PFKFB4: variants seen among roughly 807,000 people sequenced by gnomAD.
PFKFB4 encodes 6-phosphofructo-2-kinase/fructose-2,6-biphosphatase 4.
A neutral mutation model predicts 62.8 loss-of-function variants in PFKFB4; 42 were observed. That is an observed-to-expected ratio of 0.67 (90% CI 0.52 to 0.86). The LOEUF (loss-of-function observed/expected upper bound fraction) is 0.86, where lower values mean the gene tolerates loss of function less well. Among genes scored for constraint, PFKFB4 ranks in the 40% least tolerant of loss-of-function variants. The probability of loss-of-function intolerance (pLI) is 0.00; values close to 1 mark genes in which losing one functional copy is unlikely to be tolerated. For synonymous variants in PFKFB4, 204 were observed against 240.7 expected (o/e 0.85, Z 1.41); for missense variants, 475 against 627.2 (o/e 0.76, Z 2.59).
intron 4 of PFKFB4, among the ~76,000 whole-genome samples, chr3:48,542,538 A>G (rs976490249): frequency 6.6e-6 from 1 of 151,842 alleles, no homozygotes; most frequent in Admixed American, 6.6e-5. Context: ...GGAGAACAAG[A>G]GTGTTATGAT....
chr3:48,558,166 A>T (rs1002678322), upstream of PFKFB4, among the ~76,000 whole-genome samples: 2 of 152,040 alleles, frequency 1.3e-5, no homozygotes, highest in African/African-American at 4.8e-5. Context: ...GGGGACAAGG[A>T]ACAAGGGAGA....
intron 9 of PFKFB4, among the ~76,000 whole-genome samples, chr3:48,529,160 C>A (rs568414819): frequency 2.0e-5 from 3 of 152,148 alleles, no homozygotes; most frequent in Non-Finnish European, 4.4e-5. Flanking sequence ...GCCTCAGCCC[C>A]CCGAGTAGCT....
intron 12 of PFKFB4, among the ~76,000 whole-genome samples, chr3:48,522,281 C>A (rs1248137052): frequency 1.3e-5 from 2 of 152,206 alleles, no homozygotes; most frequent in East Asian, 1.9e-4. Flanking sequence ...CACACAGAGG[C>A]CCCAGGCTCC....
upstream of PFKFB4, chr3:48,562,854 G>A (rs759289349): frequency 4.9e-5 from 78 of 1,589,632 alleles, 1 homozygote; most frequent in South Asian, 2.9e-4. The surrounding 1 kb of genome is among the most constrained non-coding windows in gnomAD (Gnocchi z 4.3). Flanking sequence ...GCCCTGGCCC[G>A]GGCTTGCTCC....
upstream of PFKFB4, chr3:48,562,905 G>A (rs368389228): frequency 3.8e-4 from 604 of 1,605,536 alleles, 1 homozygote; most frequent in Non-Finnish European, 4.9e-4. The surrounding 1 kb of genome is among the most constrained non-coding windows in gnomAD (Gnocchi z 4.3). Context: ...TCCAGCGATA[G>A]GACAATGCGC....
In PFKFB4 at chr3:48,519,151, G is replaced by A. The variant is rs2042008625; in HGVS notation, c.*596C>T. The A allele has an allele frequency of 6.6e-6, 1 of 152,436 alleles. No individual in the cohort carries two copies. The highest frequency in any genetic ancestry group is 1.5e-5 in the Non-Finnish European group (1 of 68,208). The allele number at this position is 152,436 out of a possible 1,614,324, so 9.4% of individuals were successfully genotyped here. A position where few individuals can be genotyped will look rare whatever the true frequency, so the allele number is the denominator to read the frequency against. On this transcript the variant is annotated 3_prime_UTR_variant, in exon 14 of 14. Coordinates refer to ENST00000232375, the MANE Select transcript of PFKFB4 (RefSeq NM_004567.4). ...GAATGCCCACAACTAAGGGTGACATGGATACAACGGCCTGGCCAGTGGCTG... is the reference window on the plus strand; with the variant it reads ...GAATGCCCACAACTAAGGGTGACATAGATACAACGGCCTGGCCAGTGGCTG...
chr3:48,561,093 C>T (rs1226144313), upstream of PFKFB4: 1 of 1,283,856 alleles, frequency 7.8e-7, no homozygotes, highest in East Asian at 5.8e-5. This position sits in a 1 kb window ranked among gnomAD's most constrained non-coding sequence, Gnocchi z 5.2. Context: ...CAGGGAGCTG[C>T]CTCCTAACGA....
At position 48,543,597 on chromosome 3, in the gene PFKFB4, C is replaced by T; in HGVS notation, c.361G>A (p.Glu121Lys). The T allele has an allele frequency of 6.2e-7, 1 of 1,611,258 alleles. No homozygotes were observed. Among genetic ancestry groups the T allele is most frequent in the Non-Finnish European group, 8.5e-7 (1 of 1,178,994 alleles). ...ACACTCACCGCCACATGTCCCCCCT[C>T]CTCACTAAGGAACCGCCGGACGTCA... ...LRDVRRFLSE[E>K]GGHVAVFDAT... is the part of the protein sequence containing the mutation. Residue 121 changes from glutamate (E) to lysine (K), a missense_variant, in exon 4 of 14, where the codon GAG becomes AAG. Physicochemically the swap from Glu to Lys is moderately conservative, Grantham distance 56. Transcript: ENST00000232375.
chr3:48,519,738 T>C lies in PFKFB4; in HGVS notation c.*9A>G. The stretch of plus-strand genomic sequence containing the variant: ...GTGCCTGCCTAGTGGTCACAGTGGA[T>C]GAACATGGTCACTGGTGAGCAGGCA... On this transcript the variant is annotated 3_prime_UTR_variant, in exon 14 of 14. Coordinates refer to ENST00000232375, the MANE Select transcript of PFKFB4 (RefSeq NM_004567.4). The C allele has an allele frequency of 1.9e-6, 3 of 1,610,004 alleles. No individual in the cohort carries two copies. Among genetic ancestry groups the C allele is most frequent in the Non-Finnish European group, 2.5e-6 (3 of 1,176,736 alleles).
upstream of PFKFB4, chr3:48,559,984 G>A (rs1162355822): frequency 5.1e-6 from 1 of 197,010 alleles, no homozygotes; most frequent in African/African-American, 2.4e-5. Flanking sequence ...GGAGCACATA[G>A]TGCAATCATG....
chr3:48,523,678 C>G, intron 11 of PFKFB4, 23 bp downstream of exon 11: 1 of 1,614,112 alleles, frequency 6.2e-7, no homozygotes, highest in South Asian at 1.1e-5. Flanking sequence ...ACCTTCCCAC[C>G]TCCCCCGGGG....
Position 48,518,973 on chromosome 3 carries a change from G to C in PFKFB4, c.*774C>G, listed in dbSNP as rs1331729419. 3.3e-5 allele frequency: 5 copies of C among 152,226 alleles called. 1 individual carries two copies. The highest frequency in any genetic ancestry group is 2.6e-4 in the Admixed American group (4 of 15,272). The allele number at this position is 152,226 out of a possible 1,614,324, so 9.4% of individuals were successfully genotyped here. A position where few individuals can be genotyped will look rare whatever the true frequency, so the allele number is the denominator to read the frequency against. On this transcript the variant is annotated 3_prime_UTR_variant, in exon 14 of 14. Transcript: ENST00000232375. ...GTCTTGAAGTGGTTTCACTGTGAGA[G>C]CAGGCCTGAAGGGGCACCCCTGGCC...
At chr3:48,558,613 C>A (rs576418864), upstream of PFKFB4, among the ~76,000 whole-genome samples, 1 of 152,242 alleles carries the variant, frequency 6.6e-6, no homozygotes, top group Non-Finnish European at 1.5e-5. Flanking sequence ...ACTGAAGATT[C>A]CAAAGGTCCA....
intron 9 of PFKFB4, among the ~76,000 whole-genome samples, chr3:48,532,064 T>C (rs991555935): frequency 5.3e-5 from 8 of 152,194 alleles, no homozygotes; most frequent in African/African-American, 9.6e-5. Flanking sequence ...CCCAGCACTC[T>C]GGGAGGCCGA....
chr3:48,546,092 G>T (rs2042954932), intron 3 of PFKFB4, among the ~76,000 whole-genome samples: 1 of 152,126 alleles, frequency 6.6e-6, no homozygotes, highest in Non-Finnish European at 1.5e-5. Flanking sequence ...ACACGTGTGG[G>T]TGGTTATGTG....
intron 10 of PFKFB4, 44 bp from the exon 11 acceptor site, chr3:48,523,874 G>C (rs2042175036): frequency 6.3e-7 from 1 of 1,593,106 alleles, no homozygotes. Context: ...CTGGCTCCGG[G>C]GGAGGGACAG....
intron 9 of PFKFB4, among the ~76,000 whole-genome samples, chr3:48,532,617 A>G (rs886074356): frequency 1.3e-5 from 2 of 152,232 alleles, no homozygotes; most frequent in African/African-American, 4.8e-5. Context: ...TTGAGAGGCC[A>G]AAGTGGTAGA....
At position 48,521,890 on chromosome 3, in the gene PFKFB4, C is replaced by G; in HGVS notation, c.1350+96G>C. On this transcript the variant is annotated intron_variant, in intron 13 of 13. Transcript: ENST00000232375. The surrounding 1 kb of genome is among the most constrained non-coding windows in gnomAD (Gnocchi z 5.3). The stretch of plus-strand genomic sequence containing the variant: ...GGCAGAAGACTCAAGCTCCCTCTGG[C>G]AGGTGCCGCAGCTGGGCCTGGCCCT... 9.8e-7 allele frequency: 1 copy of G among 1,018,826 alleles called. No individual in the cohort carries two copies. The highest frequency in any genetic ancestry group is 1.6e-6 in the Non-Finnish European group (1 of 639,368). 63.1% of individuals were successfully genotyped at this position (1,018,826 alleles called of 1,614,324 possible). A position where few individuals can be genotyped will look rare whatever the true frequency, so the allele number is the denominator to read the frequency against.
In PFKFB4 at chr3:48,523,600, C is replaced by T; in HGVS notation, c.1223-1G>A. The T allele has an allele frequency of 1.2e-6, 2 of 1,614,164 alleles. No homozygotes were observed. Among genetic ancestry groups the T allele is most frequent in the Non-Finnish European group, 1.7e-6 (2 of 1,180,014 alleles). On this transcript the variant is annotated splice_acceptor_variant, in intron 11 of 13. Coordinates refer to ENST00000232375, the MANE Select transcript of PFKFB4 (RefSeq NM_004567.4). LOFTEE classifies it high-confidence loss of function. ...GGACACTTGAGGTAGGGCAGCTGTT[C>T]TGTAGACACAGAGGGGGATGGCTAG...
Sources: gnomAD v4.1 joint callset for allele counts (sites outside exome capture counted in the v4.1 genomes callset) on GRCh38, gnomAD v4.1.1 for gene constraint, Gnocchi (gnomAD v3.1) non-coding constraint, MANE v1.5 for transcripts, NCBI Gene and HGNC (gene_info 2026-07-23, HGNC 2026-07-21) for gene names.